The following HYCC2 variants were observed in gnomAD, a reference collection of about 807,000 sequenced individuals.
HYCC2 encodes the protein hyccin 2.
the HYCC2 span, among the ~76,000 whole-genome samples, chr2:200,984,171 C>T: frequency 1.3e-5 from 2 of 152,150 alleles, no homozygotes; most frequent in African/African-American, 2.4e-5. Flanking sequence ...TCTTAAGCAG[C>T]TGGGACTACA....
At chr2:201,035,960 G>T in the HYCC2 span, among the ~76,000 whole-genome samples, 2 of 152,122 alleles carry the variant, frequency 1.3e-5, no homozygotes, top group Admixed American at 6.6e-5. Context: ...CGTTCCTCTG[G>T]AAGTTTTGTC....
the HYCC2 span, among the ~76,000 whole-genome samples, chr2:201,055,753 C>A: frequency 6.6e-6 from 1 of 152,074 alleles, no homozygotes; most frequent in Non-Finnish European, 1.5e-5. Context: ...GCTCAGCCTG[C>A]CACCACCACT....
At chr2:200,998,514 A>G in the HYCC2 span, among the ~76,000 whole-genome samples, 1 of 152,222 alleles carries the variant, frequency 6.6e-6, no homozygotes, top group African/African-American at 2.4e-5. Flanking sequence ...TCACCCGTTT[A>G]GTAATAAAGC....
At chr2:201,044,333 C>T in the HYCC2 span, among the ~76,000 whole-genome samples, 1 of 152,186 alleles carries the variant, frequency 6.6e-6, no homozygotes, top group Admixed American at 6.5e-5. Context: ...AGCAATCCTC[C>T]CGCCTTGGGA....
chr2:201,023,886 T>A, the HYCC2 span: 1 of 1,134,556 alleles, frequency 8.8e-7, no homozygotes, highest in Admixed American at 1.7e-5. Flanking sequence ...TGTTTCTCCA[T>A]AGAGCACATA....
the HYCC2 span, among the ~76,000 whole-genome samples, chr2:201,013,295 C>T: frequency 6.6e-6 from 1 of 152,004 alleles, no homozygotes; most frequent in South Asian, 2.1e-4. Flanking sequence ...CAAAGCAAAA[C>T]CCAATCTCTA....
At chr2:201,006,314 A>AT in the HYCC2 span, among the ~76,000 whole-genome samples, 10 of 100,878 alleles carry the variant, frequency 9.9e-5, no homozygotes, top group Non-Finnish European at 1.9e-4. Context: ...TTTTTTTTGT[A>AT]TTTTTTAGCA....
chr2:201,034,773 C>T, the HYCC2 span, among the ~76,000 whole-genome samples: 2 of 152,176 alleles, frequency 1.3e-5, no homozygotes, highest in Non-Finnish European at 2.9e-5. Flanking sequence ...TTTACTGCTT[C>T]CTTCAGGAGC....
chr2:201,026,075 A>T, the HYCC2 span, among the ~76,000 whole-genome samples: 1 of 152,194 alleles, frequency 6.6e-6, no homozygotes, highest in Non-Finnish European at 1.5e-5. Flanking sequence ...GACCCATCTC[A>T]CATGCAAAGA....
At chr2:201,034,478 T>C in the HYCC2 span, among the ~76,000 whole-genome samples, 1 of 152,138 alleles carries the variant, frequency 6.6e-6, no homozygotes, top group African/African-American at 2.4e-5. Flanking sequence ...CCTCCATCCC[T>C]TTATTTTGAG....
chr2:201,038,325 G>T, the HYCC2 span, among the ~76,000 whole-genome samples: 1 of 152,180 alleles, frequency 6.6e-6, no homozygotes, highest in South Asian at 2.1e-4. Flanking sequence ...CATTGTGGAA[G>T]TCAGTGTGGC....
chr2:201,050,717 T>A, the HYCC2 span, among the ~76,000 whole-genome samples: 1 of 152,102 alleles, frequency 6.6e-6, no homozygotes, highest in Non-Finnish European at 1.5e-5. Context: ...GCAGATCACT[T>A]AAGGTCAGGA....
At chr2:200,988,559 A>T in the HYCC2 span, 1 of 554,918 alleles carries the variant, frequency 1.8e-6, no homozygotes, top group Non-Finnish European at 3.0e-6. Flanking sequence ...GTTGTTCTGT[A>T]TTCTTTTAAG....
At chr2:201,046,662 G>A in the HYCC2 span, among the ~76,000 whole-genome samples, 2 of 152,168 alleles carry the variant, frequency 1.3e-5, no homozygotes, top group South Asian at 2.1e-4. Flanking sequence ...ACAGACTTCA[G>A]GGCCAAGGAG....
the HYCC2 span, among the ~76,000 whole-genome samples, chr2:201,060,190 G>A: frequency 6.6e-6 from 1 of 152,018 alleles, no homozygotes; most frequent in East Asian, 1.9e-4. Flanking sequence ...TGAATGAAGA[G>A]CTTAACAGCA....
the HYCC2 span, among the ~76,000 whole-genome samples, chr2:201,069,540 AGAAACACACACAC>A: frequency 1.0e-5 from 1 of 97,350 alleles, no homozygotes; most frequent in African/African-American, 4.0e-5. Context: ...TTACATAAGA[AGAAACACACACAC>A]ACACACACAC....
the HYCC2 span, among the ~76,000 whole-genome samples, chr2:201,027,518 G>A: frequency 2.6e-4 from 39 of 152,120 alleles, no homozygotes; most frequent in Admixed American, 1.4e-3. Context: ...CAAAAAAAGA[G>A]AATTTTAGAC....
At chr2:201,057,489 TGA>T in the HYCC2 span, among the ~76,000 whole-genome samples, 1 of 152,204 alleles carries the variant, frequency 6.6e-6, no homozygotes, top group South Asian at 2.1e-4. Flanking sequence ...AGATTTTACA[TGA>T]GAGGAAACAA....
At chr2:201,001,448 CACTG>C in the HYCC2 span, among the ~76,000 whole-genome samples, 1 of 152,088 alleles carries the variant, frequency 6.6e-6, no homozygotes, top group Non-Finnish European at 1.5e-5. Flanking sequence ...AATGTCCATC[CACTG>C]ATGAATGGAT....
Sources: gnomAD v4.1 joint callset for allele counts (sites outside exome capture counted in the v4.1 genomes callset) on GRCh38, gnomAD v4.1.1 for gene constraint, MANE v1.5 for transcripts, NCBI Gene and HGNC (gene_info 2026-07-23, HGNC 2026-07-21) for gene names.